Variants in PTPRT observed in about 807,000 individuals in gnomAD.
PTPRT encodes receptor-type tyrosine-protein phosphatase T.
PTPRT carries 56 observed loss-of-function variants against 176.8 expected under a neutral mutation model. The ratio of observed to expected loss-of-function variants is 0.32; its 90% CI spans 0.26 to 0.40. PTPRT has a LOEUF of 0.40. Ranked by LOEUF, PTPRT falls within the 10% of genes least tolerant of loss-of-function variation. The probability of loss-of-function intolerance (pLI) is 1.00; values close to 1 mark genes in which losing one functional copy is unlikely to be tolerated. For missense variants in PTPRT, 1,540 were observed against 1,908.2 expected (o/e 0.81, Z 3.60); for synonymous variants, 783 against 739.0 (o/e 1.06, Z -0.96).
intron 2 of PTPRT, among the ~76,000 whole-genome samples, chr20:42,884,937 C>A (rs542362359): frequency 6.6e-5 from 10 of 151,996 alleles, no homozygotes; most frequent in Non-Finnish European, 1.5e-4. Context: ...CGCAGGTATA[C>A]CCCACATTTA....
rs150855906 is a variant in PTPRT, at chr20:42,338,655, T to A, written c.1865+11973A>T. ...CCTGGATTGGGACCAAATTCCTTTT[T>A]TTGAAAAAAAACATTGATTCCTCTT... On this transcript the variant is annotated intron_variant, in intron 11 of 30. Transcript: ENST00000373187. 9.9e-5 allele frequency among the ~76,000 whole-genome samples: 15 copies of A among 152,178 alleles called. No individual in the cohort carries two copies. In the East Asian group the frequency reaches 2.9e-3, roughly 29 times the overall value.
At chr20:42,501,360 A>T (rs2071747990) in intron 7 of PTPRT, among the ~76,000 whole-genome samples, 1 of 152,134 alleles carries the variant, frequency 6.6e-6, no homozygotes, top group African/African-American at 2.4e-5. Context: ...GTTGAGAAAC[A>T]TTTTTGTTTC....
intron 5 of PTPRT, among the ~76,000 whole-genome samples, chr20:42,768,408 T>G (rs1227952628): frequency 6.6e-6 from 1 of 152,126 alleles, no homozygotes; most frequent in South Asian, 2.1e-4. Flanking sequence ...AGTAAGACTG[T>G]GGTGGGGAAC....
At chr20:42,820,237 T>A (rs2077867508) in intron 2 of PTPRT, among the ~76,000 whole-genome samples, 1 of 152,036 alleles carries the variant, frequency 6.6e-6, no homozygotes, top group Admixed American at 6.5e-5. Context: ...CACAGGGCAA[T>A]CAAATTAGAA....
chr20:42,431,041 G>A (rs1334758722), intron 9 of PTPRT, among the ~76,000 whole-genome samples: 1 of 152,200 alleles, frequency 6.6e-6, no homozygotes, highest in Non-Finnish European at 1.5e-5. Flanking sequence ...GGGGGTGGGA[G>A]TGTCTAATAC....
At chr20:42,804,473 A>T (rs2077576168) in intron 2 of PTPRT, among the ~76,000 whole-genome samples, 1 of 152,356 alleles carries the variant, frequency 6.6e-6, no homozygotes, top group Admixed American at 6.5e-5. Context: ...CTGCAGTAGA[A>T]CCTAGACCCA....
chr20:42,342,140 C>T (rs546913427), intron 11 of PTPRT, among the ~76,000 whole-genome samples: 2 of 152,312 alleles, frequency 1.3e-5, no homozygotes, highest in South Asian at 2.1e-4. Flanking sequence ...ACCAGACTGA[C>T]CTTTGTCTCC....
At chr20:42,452,405 A>G (rs2070847672) in intron 8 of PTPRT, among the ~76,000 whole-genome samples, 1 of 152,044 alleles carries the variant, frequency 6.6e-6, no homozygotes, top group Non-Finnish European at 1.5e-5. Flanking sequence ...AGAGAAGAGG[A>G]GAGGATGGAA....
chr20:42,786,233 T>C (rs750796619), intron 3 of PTPRT, among the ~76,000 whole-genome samples: 9 of 152,206 alleles, frequency 5.9e-5, no homozygotes, highest in Non-Finnish European at 1.3e-4. Context: ...AAGTTCTTTA[T>C]AGCAGTATGA....
chr20:42,374,400 C>T (rs531495811), intron 9 of PTPRT, among the ~76,000 whole-genome samples: 2 of 152,258 alleles, frequency 1.3e-5, no homozygotes, highest in South Asian at 4.1e-4. Flanking sequence ...ACTTTTTAAA[C>T]ACGCAAGTAA....
At chr20:43,103,861 T>A (rs2012493098) in intron 1 of PTPRT, among the ~76,000 whole-genome samples, 1 of 152,138 alleles carries the variant, frequency 6.6e-6, no homozygotes, top group African/African-American at 2.4e-5. Flanking sequence ...TCTGGATTCA[T>A]TTTCAACTCC....
intron 6 of PTPRT, among the ~76,000 whole-genome samples, chr20:42,717,482 T>C (rs2076242969): frequency 6.6e-6 from 1 of 152,180 alleles, no homozygotes. Flanking sequence ...ACAGTTTTTA[T>C]AGTATCTATA....
At chr20:42,359,375 G>A (rs569746771) in intron 9 of PTPRT, among the ~76,000 whole-genome samples, 8 of 152,176 alleles carry the variant, frequency 5.3e-5, no homozygotes, top group Admixed American at 2.6e-4. Context: ...AGTCCTGGCT[G>A]GAGAAGAATG....
chr20:42,206,871 T>G (rs2146713396), intron 15 of PTPRT, among the ~76,000 whole-genome samples: 1 of 152,336 alleles, frequency 6.6e-6, no homozygotes, highest in African/African-American at 2.4e-5. Context: ...AGCAGTAACC[T>G]CTGCAGACTT....
chr20:42,615,542 C>T (rs1320690647), intron 7 of PTPRT, among the ~76,000 whole-genome samples: 1 of 138,590 alleles, frequency 7.2e-6, no homozygotes, highest in Admixed American at 6.9e-5. Flanking sequence ...AACTGGATTA[C>T]AGTCCCACCA....
rs568354639 is a variant in PTPRT, at chr20:42,734,279, G to A, written c.859+22183C>T. On this transcript the variant is annotated intron_variant, in intron 6 of 30. Transcript: ENST00000373187. ...TGACATTGACTCCAACCCTGCAGGTGTAGCCTTCCAGAAGCCAGTTCCTCT... is the reference window on the plus strand; with the variant it reads ...TGACATTGACTCCAACCCTGCAGGTATAGCCTTCCAGAAGCCAGTTCCTCT... Among the ~76,000 whole-genome samples, 20 of 152,256 alleles carry A rather than the reference G, an allele frequency of 1.3e-4. No homozygotes were observed. The South Asian group carries it at 2.5e-3, about 19-fold the overall frequency.
chr20:42,317,048 C>A (rs966022405), intron 11 of PTPRT, among the ~76,000 whole-genome samples: 1 of 152,148 alleles, frequency 6.6e-6, no homozygotes, highest in East Asian at 1.9e-4. Context: ...TACTGCCCAG[C>A]AGGATGCCTG....
intron 1 of PTPRT, among the ~76,000 whole-genome samples, chr20:42,923,462 C>A (rs1979285755): frequency 6.6e-6 from 1 of 152,206 alleles, no homozygotes; most frequent in African/African-American, 2.4e-5. Flanking sequence ...ATGAAGGCCT[C>A]CTGACAGGAA....
intron 18 of PTPRT, among the ~76,000 whole-genome samples, chr20:42,141,377 C>T (rs970045461): frequency 6.6e-6 from 1 of 152,228 alleles, no homozygotes; most frequent in African/African-American, 2.4e-5. Flanking sequence ...TCAGCCTTTA[C>T]TTCCAAGCAT....
Sources: gnomAD v4.1 joint callset for allele counts (sites outside exome capture counted in the v4.1 genomes callset) on GRCh38, gnomAD v4.1.1 for gene constraint, MANE v1.5 for transcripts, NCBI Gene and HGNC (gene_info 2026-07-23, HGNC 2026-07-21) for gene names.